Variants in CASZ1 observed in about 807,000 individuals in gnomAD.
The protein encoded by CASZ1 is zinc finger protein castor homolog 1.
A neutral mutation model predicts 135.2 loss-of-function variants in CASZ1; 28 were observed. The observed-to-expected ratio is 0.21, with a 90% CI of 0.15 to 0.28. The LOEUF (loss-of-function observed/expected upper bound fraction) is 0.28, where lower values mean the gene tolerates loss of function less well. Ranked by LOEUF, CASZ1 falls within the 10% of genes least tolerant of loss-of-function variation. The pLI is 1.00. For synonymous variants in CASZ1, 1,068 were observed against 1,073.4 expected (o/e 0.99, Z 0.10); for missense variants, 2,161 against 2,453.3 (o/e 0.88, Z 2.52).
chr1:10,708,082 A>G (rs1639213023), intron 2 of CASZ1, among the ~76,000 whole-genome samples: 2 of 152,198 alleles, frequency 1.3e-5, no homozygotes. Context: ...TCCTAATCTT[A>G]AGTACTCTGG....
At chr1:10,642,192 G>A (rs1420949730) in intron 20 of CASZ1, 2 of 152,628 alleles carry the variant, frequency 1.3e-5, no homozygotes, top group Non-Finnish European at 2.9e-5. Flanking sequence ...GGCAGGGGAG[G>A]GGGGGGAGGG....
chr1:10,647,581 C>A lies in CASZ1; in HGVS notation c.3497+220G>T. ...CTGCAGGAGCAGTAGCCACTGCCGC[C>A]ACCATCGGCCCACGCGGGCTGGCCT... On this transcript the variant is annotated intron_variant, in intron 16 of 20. Coordinates refer to ENST00000377022, the MANE Select transcript of CASZ1 (RefSeq NM_001079843.3). This position sits in a 1 kb window ranked among gnomAD's most constrained non-coding sequence, Gnocchi z 4.9. 4 of 1,420,916 alleles carry A rather than the reference C, an allele frequency of 2.8e-6. No homozygotes were observed. Among genetic ancestry groups the A allele is most frequent in the Non-Finnish European group, 3.7e-6 (4 of 1,090,374 alleles). The allele number at this position is 1,420,916 out of a possible 1,614,324, so 88.0% of individuals were successfully genotyped here.
At chr1:10,693,793 A>G (rs1181077220) in intron 4 of CASZ1, 81 bp downstream of exon 4, 6 of 869,218 alleles carry the variant, frequency 6.9e-6, no homozygotes, top group Middle Eastern at 2.7e-4. Flanking sequence ...CCGCCACCTC[A>G]TTGGGCTAAA....
At chr1:10,653,071 C>A (rs1210928893) in intron 11 of CASZ1, 1 of 430,238 alleles carries the variant, frequency 2.3e-6, no homozygotes, top group Non-Finnish European at 4.4e-6. Flanking sequence ...GGTGAGCAGA[C>A]AGGGAGGGGG....
intron 1 of CASZ1, among the ~76,000 whole-genome samples, chr1:10,795,059 C>G (rs1000497455): frequency 7.2e-5 from 11 of 152,158 alleles, no homozygotes; most frequent in African/African-American, 2.7e-4. Context: ...AACTTCCTGG[C>G]GGCCGACGGC....
intron 4 of CASZ1, among the ~76,000 whole-genome samples, chr1:10,668,915 C>A (rs1643318590): frequency 6.6e-6 from 1 of 152,236 alleles, no homozygotes; most frequent in Non-Finnish European, 1.5e-5. Flanking sequence ...GAAACCTTAC[C>A]TGGCCTGGAA....
intron 5 of CASZ1, among the ~76,000 whole-genome samples, chr1:10,662,215 T>C (rs1262458879): frequency 6.6e-6 from 1 of 151,006 alleles, no homozygotes; most frequent in Non-Finnish European, 1.5e-5. Context: ...CACAGTCACA[T>C]GCAATCACAT....
At chr1:10,718,698 G>A (rs891186660) in intron 2 of CASZ1, among the ~76,000 whole-genome samples, 51 of 152,310 alleles carry the variant, frequency 3.3e-4, no homozygotes, top group African/African-American at 1.2e-3. Flanking sequence ...AGACCCTGCC[G>A]GAGTCCTGAC....
chr1:10,695,806 G>A (rs1314478878), intron 3 of CASZ1, among the ~76,000 whole-genome samples: 2 of 152,134 alleles, frequency 1.3e-5, no homozygotes, highest in African/African-American at 4.8e-5. Flanking sequence ...CTTATATGTT[G>A]GTGACTTAAG....
rs1350714323 is a variant in CASZ1, at chr1:10,756,689, C to CG, written c.-77+4011dup. Among the ~76,000 whole-genome samples the CG allele has an allele frequency of 1.9e-4, 29 of 152,148 alleles. No homozygotes were observed. Among genetic ancestry groups the CG allele is most frequent in the African/African-American group, 7.0e-4 (29 of 41,426 alleles). ...AAAGGGAGACTGGCCTTCAGGCGAG[C>CG]GGGGTACTGGGGCAATTCACACCTT... On this transcript the variant is annotated intron_variant, in intron 2 of 20. Coordinates refer to ENST00000377022, the MANE Select transcript of CASZ1 (RefSeq NM_001079843.3). The surrounding 1 kb of genome is among the most constrained non-coding windows in gnomAD (Gnocchi z 5.9).
At chr1:10,651,183 G>T (rs1053141542) in intron 11 of CASZ1, 107 bp from the exon 12 acceptor site, 13 of 899,550 alleles carry the variant, frequency 1.4e-5, no homozygotes, top group Admixed American at 3.8e-5. Context: ...GGTGGGCCCC[G>T]GCTACTGGTC....
chr1:10,692,280 C>T (rs1638793313), intron 4 of CASZ1, among the ~76,000 whole-genome samples: 1 of 152,258 alleles, frequency 6.6e-6, no homozygotes, highest in Non-Finnish European at 1.5e-5. Context: ...TGCCTTCCAG[C>T]TCTGCAATGC....
At chr1:10,716,052 T>A (rs1639385325) in intron 2 of CASZ1, among the ~76,000 whole-genome samples, 1 of 107,506 alleles carries the variant, frequency 9.3e-6, no homozygotes, top group Non-Finnish European at 1.8e-5. Flanking sequence ...CAGCACCCAA[T>A]CCGCACCCCA....
chr1:10,771,261 G>T, intron 1 of CASZ1, among the ~76,000 whole-genome samples: 1 of 146,240 alleles, frequency 6.8e-6, no homozygotes. Context: ...TTTCAGGCAG[G>T]TTGGGGAGGT....
chr1:10,763,859 G>A (rs553308426), intron 1 of CASZ1, among the ~76,000 whole-genome samples: 1 of 152,038 alleles, frequency 6.6e-6, no homozygotes, highest in African/African-American at 2.4e-5. Context: ...CGCTCCATTC[G>A]CTGTTTTCTG....
chr1:10,660,271 G>A lies in CASZ1; in HGVS notation c.771C>T (p.Pro257=). Residue 257 remains proline, a synonymous_variant, in exon 6 of 21, where the codon CCC becomes CCT. Coordinates refer to ENST00000377022, the MANE Select transcript of CASZ1 (RefSeq NM_001079843.3). ...CCACCCGCTCCTCGGTCTTGGTGCT[G>A]GGGGCCGGCCAGGAGAGCTGCTCGC... ...KAGEQLSWPA[P]STKTEERVGK... 1.9e-6 allele frequency: 3 copies of A among 1,613,786 alleles called. No individual in the cohort carries two copies. The highest frequency in any genetic ancestry group is 2.5e-6 in the Non-Finnish European group (3 of 1,179,938).
chr1:10,771,961 AG>A (rs1299533514), intron 1 of CASZ1, among the ~76,000 whole-genome samples: 2 of 152,126 alleles, frequency 1.3e-5, no homozygotes, highest in African/African-American at 4.8e-5. Flanking sequence ...GCCGGCCCCC[AG>A]GGAACTCCCC....
chr1:10,741,197 G>C lies in CASZ1; in HGVS notation c.-77+19504C>G, dbSNP rs1639915508. ...GGGGTTTCACCATGTTGGTCAGGCT[G>C]GTCTCCAACTCCTGACCTCAGGCGA... On this transcript the variant is annotated intron_variant, in intron 2 of 20. Coordinates refer to ENST00000377022, the MANE Select transcript of CASZ1 (RefSeq NM_001079843.3). The surrounding 1 kb of genome is among the most constrained non-coding windows in gnomAD (Gnocchi z 5.0). Among the ~76,000 whole-genome samples, 1 of 152,160 alleles carries C rather than the reference G, an allele frequency of 6.6e-6. No individual in the cohort carries two copies. The highest frequency in any genetic ancestry group is 2.4e-5 in the African/African-American group (1 of 41,436).
intron 1 of CASZ1, among the ~76,000 whole-genome samples, chr1:10,773,549 ACCCCG>A (rs1364660437): frequency 6.6e-6 from 1 of 151,764 alleles, no homozygotes; most frequent in Non-Finnish European, 1.5e-5. Flanking sequence ...GGTCTCACGC[ACCCCG>A]GGGACTGAAC....
Sources: gnomAD v4.1 joint callset for allele counts (sites outside exome capture counted in the v4.1 genomes callset) on GRCh38, gnomAD v4.1.1 for gene constraint, Gnocchi (gnomAD v3.1) non-coding constraint, MANE v1.5 for transcripts, NCBI Gene and HGNC (gene_info 2026-07-23, HGNC 2026-07-21) for gene names.